Variants in CCDC141 observed in about 807,000 individuals in gnomAD.
The protein encoded by CCDC141 is coiled-coil domain containing 141.
Under a neutral mutation model 181.0 loss-of-function variants are expected in CCDC141, and 168 were observed. That is an observed-to-expected ratio of 0.93 (90% CI 0.82 to 1.05). The LOEUF (loss-of-function observed/expected upper bound fraction) is 1.05. Among genes scored for constraint, CCDC141 ranks in the 50% least tolerant of loss-of-function variants. The pLI, the probability that CCDC141 is intolerant of heterozygous loss-of-function variation, is 0.00. For missense variants in CCDC141, 1,902 were observed against 1,788.5 expected (o/e 1.06, Z -1.14); for synonymous variants, 666 against 642.3 (o/e 1.04, Z -0.56).
chr2:178,897,249 T>C (rs1206855533), intron 8 of CCDC141, among the ~76,000 whole-genome samples: 1 of 152,206 alleles, frequency 6.6e-6, no homozygotes, highest in Non-Finnish European at 1.5e-5. Context: ...ACCACAAACA[T>C]GGACACTTCA....
chr2:178,966,369 T>A (rs1238479822), intron 4 of CCDC141, among the ~76,000 whole-genome samples: 1 of 152,116 alleles, frequency 6.6e-6, no homozygotes, highest in Non-Finnish European at 1.5e-5. Context: ...ACAGGAGAGC[T>A]CTGACTGGCG....
chr2:178,882,342 G>A (rs1222814372), intron 11 of CCDC141, among the ~76,000 whole-genome samples: 5 of 152,106 alleles, frequency 3.3e-5, no homozygotes, highest in African/African-American at 9.7e-5. Context: ...GCACTCCAGC[G>A]TGGGCAACAA....
intron 8 of CCDC141, among the ~76,000 whole-genome samples, chr2:178,894,309 GAAGC>G (rs1399787781): frequency 6.6e-6 from 1 of 151,716 alleles, no homozygotes; most frequent in Non-Finnish European, 1.5e-5. Context: ...AGCAAAGAGA[GAAGC>G]AAGCAAGCAA....
At chr2:178,925,177 A>G (rs1039626469) in intron 6 of CCDC141, among the ~76,000 whole-genome samples, 1 of 152,246 alleles carries the variant, frequency 6.6e-6, no homozygotes, top group African/African-American at 2.4e-5. Flanking sequence ...AGATATCACC[A>G]AATTAATTTC....
chr2:178,918,931 T>A, intron 6 of CCDC141, 24 bp from the exon 7 acceptor site: 1 of 1,537,264 alleles, frequency 6.5e-7, no homozygotes, highest in Non-Finnish European at 8.8e-7. Context: ...TTCTTATTAT[T>A]TTATACATCT....
At chr2:178,877,004 A>G (rs551716181) in intron 12 of CCDC141, 2 of 152,306 alleles carry the variant, frequency 1.3e-5, no homozygotes, top group East Asian at 3.9e-4. Context: ...AAATGTTAGC[A>G]TAATTGTAGG....
intron 2 of CCDC141, among the ~76,000 whole-genome samples, chr2:179,020,406 A>G (rs1016894203): frequency 2.4e-4 from 36 of 152,240 alleles, no homozygotes; most frequent in Admixed American, 1.9e-3. Context: ...GGCCAGTCTT[A>G]GGCTTACCTA....
intron 11 of CCDC141, among the ~76,000 whole-genome samples, chr2:178,881,034 G>A (rs1686579950): frequency 6.6e-6 from 1 of 152,194 alleles, no homozygotes; most frequent in South Asian, 2.1e-4. Context: ...ACCATAGGTA[G>A]GAATGTGGTT....
chr2:178,957,070 T>A (rs139636328), intron 5 of CCDC141, among the ~76,000 whole-genome samples: 711 of 152,244 alleles, frequency 4.7e-3, no homozygotes, highest in African/African-American at 0.016. Context: ...GAGATGGGGT[T>A]TCTCCATGTT....
chr2:178,905,314 A>G lies in CCDC141; in HGVS notation c.1265+15T>C. The G allele has an allele frequency of 6.5e-7, 1 of 1,531,806 alleles. No homozygotes were observed. Among genetic ancestry groups the G allele is most frequent in the Non-Finnish European group, 8.8e-7 (1 of 1,139,236 alleles). The allele number at this position is 1,531,806 out of a possible 1,614,324, so 94.9% of individuals were successfully genotyped here. ...AAAAGCTTGTTACACTGAGAAAGAA[A>G]TCAACTTTACTCACCTGCAGGAGTC... On this transcript the variant is annotated intron_variant, in intron 8 of 23. Coordinates refer to ENST00000443758, the MANE Select transcript of CCDC141 (RefSeq NM_173648.4).
In CCDC141 at chr2:179,050,003, C is replaced by A; in HGVS notation, c.-62G>T. 4 of 1,546,992 alleles carry A rather than the reference C, an allele frequency of 2.6e-6. No homozygotes were observed. The South Asian group carries it at 4.8e-5, about 19-fold the overall frequency. ...TCTGGACAGTTGTGTGTCTGCTGGT[C>A]ATTTCAGAAGGCCAGGGTTACTTGG... On this transcript the variant is annotated 5_prime_UTR_variant, in exon 1 of 24. An upstream start codon of the reference 5' UTR is lost. Transcript: ENST00000443758.
chr2:178,838,658 A>G (rs531640536), intron 22 of CCDC141, among the ~76,000 whole-genome samples: 1 of 152,324 alleles, frequency 6.6e-6, no homozygotes, highest in South Asian at 2.1e-4. Context: ...TGAGGAGATG[A>G]TATCCTAGTG....
chr2:178,815,035 A>C, the CCDC141 span, among the ~76,000 whole-genome samples: 1 of 152,144 alleles, frequency 6.6e-6, no homozygotes, highest in Non-Finnish European at 1.5e-5. Flanking sequence ...GATGGAAGTG[A>C]AGGAGAGAAG....
At chr2:178,920,625 G>A (rs1688644961) in intron 6 of CCDC141, among the ~76,000 whole-genome samples, 1 of 152,030 alleles carries the variant, frequency 6.6e-6, no homozygotes, top group Non-Finnish European at 1.5e-5. Context: ...CGGTGGGGCT[G>A]AGGTAGGAGG....
rs755408906 is a variant in CCDC141, at chr2:178,894,718, A to G, written c.1266-6050T>C. Among the ~76,000 whole-genome samples, 40 of 152,094 alleles carry G rather than the reference A, an allele frequency of 2.6e-4. 1 individual carries two copies. The highest frequency in any genetic ancestry group is 5.8e-4 in the East Asian group (3 of 5,198). On this transcript the variant is annotated intron_variant, in intron 8 of 23. Coordinates refer to ENST00000443758, the MANE Select transcript of CCDC141 (RefSeq NM_173648.4). The stretch of plus-strand genomic sequence containing the variant: ...AGGACCCATGGAGAGTGCAACACAG[A>G]GAGTTAAAATAGTGAAAAAATACCA...
rs1686812577 is a variant in CCDC141 at position 178,885,025 on chromosome 2, T to G, written c.1595A>C (p.Glu532Ala). The change falls in exon 11 of 24, where the codon GAA becomes GCA. Residue 532 changes from glutamate to alanine, a missense_variant. Transcript: ENST00000443758. ...MMEKNEFVSD[E>A]MVSLSSKARW... The stretch of plus-strand genomic sequence containing the variant: ...AGCTTTAGAGGAAAGTGATACCATT[T>G]CATCAGATACAAATTCATTTTTCTC... 4.5e-6 allele frequency: 7 copies of G among 1,550,360 alleles called. No homozygotes were observed. Among genetic ancestry groups the G allele is most frequent in the Admixed American group, 2.0e-5 (1 of 50,982 alleles).
At chr2:178,895,291 C>A (rs940252194) in intron 8 of CCDC141, among the ~76,000 whole-genome samples, 1 of 152,182 alleles carries the variant, frequency 6.6e-6, no homozygotes, top group Non-Finnish European at 1.5e-5. Flanking sequence ...CCCCTCACAT[C>A]TCTTCCTGTC....
intron 19 of CCDC141, 119 bp downstream of exon 19, chr2:178,855,228 A>G (rs1362392153): frequency 2.6e-6 from 2 of 780,634 alleles, no homozygotes; most frequent in Non-Finnish European, 4.1e-6. Flanking sequence ...AAAATCATGA[A>G]AAGGAGCATG....
At chr2:178,858,898 C>CTA (rs1685493198) in intron 17 of CCDC141, among the ~76,000 whole-genome samples, 1 of 152,044 alleles carries the variant, frequency 6.6e-6, no homozygotes, top group South Asian at 2.1e-4. Context: ...TATTTGAAAC[C>CTA]TATATGATAG....
Sources: allele counts gnomAD v4.1 joint callset (sites outside exome capture counted in the v4.1 genomes callset), GRCh38; gene constraint gnomAD v4.1.1; transcripts MANE v1.5; gene names NCBI Gene and HGNC (gene_info 2026-07-23, HGNC 2026-07-21).